Variants in EPHA3 observed in about 807,000 individuals in gnomAD.
EPHA3 encodes the protein EPH receptor A3, also known as ephrin type-A receptor 3.
Under a neutral mutation model 107.1 loss-of-function variants are expected in EPHA3, and 42 were observed. That is an observed-to-expected ratio of 0.39 (90% CI 0.31 to 0.51). The LOEUF (loss-of-function observed/expected upper bound fraction) is 0.51. Among genes scored for constraint, EPHA3 ranks in the 20% least tolerant of loss-of-function variants. The pLI is 0.78. For missense variants in EPHA3, 1,183 were observed against 1,211.2 expected, an observed-to-expected ratio of 0.98 and a Z score of 0.35; for synonymous variants, 461 against 424.8, an observed-to-expected ratio of 1.09 and a Z score of -1.05.
chr3:89,449,053 G>A (rs1709935587), intron 13 of EPHA3, among the ~76,000 whole-genome samples, 172 bp from the exon 14 acceptor site: 1 of 151,344 alleles, frequency 6.6e-6, no homozygotes, highest in Admixed American at 6.6e-5. Flanking sequence ...TAAATGGTAT[G>A]CTACTTCTGC....
chr3:89,429,987 C>T (rs1180246223), intron 12 of EPHA3, among the ~76,000 whole-genome samples: 1 of 152,094 alleles, frequency 6.6e-6, no homozygotes, highest in African/African-American at 2.4e-5. Flanking sequence ...TGGTTTAGAA[C>T]CCCTGACCTC....
chr3:89,394,081 C>T (rs1250616680), intron 5 of EPHA3, among the ~76,000 whole-genome samples: 2 of 152,052 alleles, frequency 1.3e-5, no homozygotes, highest in African/African-American at 4.8e-5. Flanking sequence ...TTTACTTTTT[C>T]ATCAGAAAAG....
chr3:89,261,648 C>A (rs1039687871), intron 3 of EPHA3, among the ~76,000 whole-genome samples: 20 of 151,992 alleles, frequency 1.3e-4, no homozygotes, highest in Non-Finnish European at 2.5e-4. Flanking sequence ...AAAGTAATTT[C>A]TGGATGCTAT....
chr3:89,422,426 G>T (rs1368518573), intron 11 of EPHA3, among the ~76,000 whole-genome samples: 1 of 151,242 alleles, frequency 6.6e-6, no homozygotes, highest in African/African-American at 2.4e-5. Flanking sequence ...TCAAAAGCAG[G>T]CATATCAGTA....
chr3:89,365,187 A>G (rs2107463015), intron 5 of EPHA3, among the ~76,000 whole-genome samples: 1 of 150,922 alleles, frequency 6.6e-6, no homozygotes, highest in South Asian at 2.1e-4. Context: ...TGAGGTGGAC[A>G]ATAAAAGGTA....
intron 5 of EPHA3, among the ~76,000 whole-genome samples, chr3:89,389,635 G>A (rs930010327): frequency 1.3e-5 from 2 of 152,220 alleles, no homozygotes; most frequent in Non-Finnish European, 2.9e-5. Context: ...TTTAAGGAAG[G>A]GTCATATTTT....
rs1424303971 is a variant in EPHA3, at chr3:89,210,300, C to T, written c.594C>T (p.Tyr198=). 1.9e-6 allele frequency: 3 copies of T among 1,613,656 alleles called. No homozygotes were observed. The highest frequency in any genetic ancestry group is 1.7e-4 in the Middle Eastern group (1 of 6,052). The change falls in exon 3 of 17, where the codon TAC becomes TAT. Residue 198 remains tyrosine (Y), a synonymous_variant. Transcript: ENST00000336596. ...TTGCCTTGGTGTCTGTGAGAGTATA[C>T]TTCAAAAAGTGCCCATTTACAGTGA... ...ACVALVSVRV[Y]FKKCPFTVKN...
rs567061303 is a variant in EPHA3 at position 89,403,632 on chromosome 3, A to G, written c.1595-3637A>G. Among the ~76,000 whole-genome samples the G allele has an allele frequency of 2.7e-4, 41 of 152,324 alleles. 1 individual carries two copies. The highest frequency in any genetic ancestry group is 7.5e-4 in the African/African-American group (31 of 41,586). On this transcript the variant is annotated intron_variant, in intron 7 of 16. Transcript: ENST00000336596. ...CATGTTTGGAAAAGCAGATAGTCCA[A>G]TTGTTTGGAAACCCTCAGTGGGGAA...
chr3:89,157,501 T>C lies in EPHA3; in HGVS notation c.153+30228T>C, dbSNP rs536369638. Among the ~76,000 whole-genome samples, 63 of 152,066 alleles carry C rather than the reference T, an allele frequency of 4.1e-4. 1 individual carries two copies. Among genetic ancestry groups the C allele is most frequent in the African/African-American group, 1.5e-3 (62 of 41,512 alleles). On this transcript the variant is annotated intron_variant, in intron 2 of 16. Coordinates refer to ENST00000336596, the MANE Select transcript of EPHA3 (RefSeq NM_005233.6). ...GAGGAACAAGGAGCATAGAATATCA[T>C]ATTTCTTTTAGGTGTTTCTCCTGAT... is the stretch of plus-strand genomic sequence containing the variant.
chr3:89,184,447 G>A (rs1395096978), intron 2 of EPHA3, among the ~76,000 whole-genome samples: 8 of 152,026 alleles, frequency 5.3e-5, no homozygotes, highest in Admixed American at 4.6e-4. Context: ...ATTACATTCC[G>A]GTTGTTTTGA....
chr3:89,145,992 C>G (rs943741932), intron 2 of EPHA3, among the ~76,000 whole-genome samples: 1 of 151,814 alleles, frequency 6.6e-6, no homozygotes, highest in Non-Finnish European at 1.5e-5. Flanking sequence ...AAAGGAAATC[C>G]TTACAGTAGT....
At chr3:89,285,466 G>A (rs1706059443) in intron 3 of EPHA3, among the ~76,000 whole-genome samples, 1 of 152,170 alleles carries the variant, frequency 6.6e-6, no homozygotes, top group Non-Finnish European at 1.5e-5. Context: ...CTATTAGGAG[G>A]TAATCATTAC....
chr3:89,373,167 C>T (rs1559669990), intron 5 of EPHA3, among the ~76,000 whole-genome samples: 1 of 151,800 alleles, frequency 6.6e-6, no homozygotes, highest in African/African-American at 2.4e-5. Flanking sequence ...CAAGTCTTTG[C>T]AAGGGCAAAG....
intron 1 of EPHA3, among the ~76,000 whole-genome samples, chr3:89,112,045 A>C (rs1459200803): frequency 6.6e-6 from 1 of 152,024 alleles, no homozygotes; most frequent in African/African-American, 2.4e-5. Context: ...AGTTAGTTGG[A>C]TATACTTCTA....
chr3:89,320,861 T>C (rs961025538), intron 3 of EPHA3, among the ~76,000 whole-genome samples: 20 of 152,094 alleles, frequency 1.3e-4, no homozygotes, highest in Non-Finnish European at 2.1e-4. Context: ...TCTCAGTAGT[T>C]GCTGTGTATT....
At position 89,481,431 on chromosome 3, in the gene EPHA3, T is replaced by A. The variant is rs1199870069; in HGVS notation, c.*1929T>A. ...TGCTATCAGCAGCTAGAAAACATTT[T>A]TTTTTTAAATCAAGTATTTTGTGTT... On this transcript the variant is annotated 3_prime_UTR_variant, in exon 17 of 17. Coordinates refer to ENST00000336596, the MANE Select transcript of EPHA3 (RefSeq NM_005233.6). The A allele has an allele frequency of 4.3e-6, 1 of 232,230 alleles. No individual in the cohort carries two copies. The highest frequency in any genetic ancestry group is 8.5e-6 in the Non-Finnish European group (1 of 117,536). 14.4% of individuals were successfully genotyped at this position (232,230 alleles called of 1,614,324 possible). A position where few individuals can be genotyped will look rare whatever the true frequency, so the allele number is the denominator to read the frequency against.
rs962987622 is a variant in EPHA3 at position 89,183,592 on chromosome 3, CAT to C, written c.154-26267_154-26266del. On this transcript the variant is annotated intron_variant, in intron 2 of 16. Transcript: ENST00000336596. ...CTGAAGTACTCCCTACACACACACA[CAT>C]GGCCTCCAACTTTATATTAAGGTGA... Among the ~76,000 whole-genome samples the C allele has an allele frequency of 8.5e-5, 13 of 152,060 alleles. No individual in the cohort carries two copies. The South Asian group carries it at 1.5e-3, about 17-fold the overall frequency.
intron 3 of EPHA3, among the ~76,000 whole-genome samples, chr3:89,222,349 A>ATG (rs1280532575): frequency 6.0e-4 from 79 of 131,636 alleles, no homozygotes; most frequent in African/African-American, 1.9e-3. Context: ...ATATATATAT[A>ATG]TATATGTATA....
At chr3:89,196,127 A>G (rs987826642) in intron 2 of EPHA3, among the ~76,000 whole-genome samples, 2 of 151,944 alleles carry the variant, frequency 1.3e-5, no homozygotes, top group African/African-American at 2.4e-5. Flanking sequence ...TTTGCCTTGA[A>G]TGATGTTTCC....
Sources: gnomAD v4.1 joint callset for allele counts (sites outside exome capture counted in the v4.1 genomes callset) on GRCh38, gnomAD v4.1.1 for gene constraint, MANE v1.5 for transcripts, NCBI Gene and HGNC (gene_info 2026-07-23, HGNC 2026-07-21) for gene names.